The following SMC6 variants were observed in gnomAD, a reference collection of about 807,000 sequenced individuals.
The protein encoded by SMC6 is structural maintenance of chromosomes protein 6.
SMC6 carries 79 observed loss-of-function variants against 142.2 expected under a neutral mutation model. That is an observed-to-expected ratio of 0.56 (90% CI 0.46 to 0.67). The LOEUF (loss-of-function observed/expected upper bound fraction) is 0.67, where lower values mean the gene tolerates loss of function less well. Among genes scored for constraint, SMC6 ranks in the 30% least tolerant of loss-of-function variants. The pLI is 0.00. For synonymous variants in SMC6, 411 were observed against 412.4 expected (o/e 1.00, Z 0.04); for missense variants, 1,072 against 1,284.0 (o/e 0.83, Z 2.52).
intron 22 of SMC6, 112 bp from the exon 23 acceptor site, chr2:17,695,409 T>C: frequency 1.3e-6 from 1 of 781,948 alleles, no homozygotes. Flanking sequence ...TTAAGAAATG[T>C]ATTTTAATTA....
chr2:17,711,807 C>T (rs889843944), intron 16 of SMC6, among the ~76,000 whole-genome samples: 3 of 152,052 alleles, frequency 2.0e-5, no homozygotes, highest in Non-Finnish European at 2.9e-5. Context: ...TAGGTAGAAA[C>T]GGCGTTTCAC....
intron 4 of SMC6, 41 bp from the exon 5 acceptor site, chr2:17,738,367 AAAAAGG>A: frequency 6.9e-7 from 1 of 1,452,642 alleles, no homozygotes; most frequent in Non-Finnish European, 9.4e-7. Flanking sequence ...TCATTAAAAG[AAAAAGG>A]AAAAAGCTGA....
At chr2:17,704,127 T>C (rs1668396304) in intron 18 of SMC6, among the ~76,000 whole-genome samples, 1 of 151,438 alleles carries the variant, frequency 6.6e-6, no homozygotes, top group Non-Finnish European at 1.5e-5. Flanking sequence ...AAATAAACTA[T>C]CACATTAAAA....
At chr2:17,678,243 C>T (rs1463393127) in intron 25 of SMC6, among the ~76,000 whole-genome samples, 1 of 152,006 alleles carries the variant, frequency 6.6e-6, no homozygotes, top group Non-Finnish European at 1.5e-5. Context: ...ATTTAAAATG[C>T]TGTGTAAATT....
At chr2:17,694,259 TTAGA>T (rs1667887437) in intron 23 of SMC6, among the ~76,000 whole-genome samples, 1 of 152,066 alleles carries the variant, frequency 6.6e-6, no homozygotes, top group Non-Finnish European at 1.5e-5. Context: ...AACCACGCAG[TTAGA>T]TAGAATAAGT....
chr2:17,701,959 G>A lies in SMC6; in HGVS notation c.2143-50C>T, dbSNP rs770224129. The A allele has an allele frequency of 5.5e-5, 51 of 933,922 alleles. 3 individuals are homozygous for A. The South Asian group carries it at 6.8e-4, about 13-fold the overall frequency. 57.9% of individuals were successfully genotyped at this position (933,922 alleles called of 1,614,324 possible). A position where few individuals can be genotyped will look rare whatever the true frequency, so the allele number is the denominator to read the frequency against. On this transcript the variant is annotated intron_variant, in intron 19 of 27. Transcript: ENST00000448223. ...AGTAACATAAAAAAAAATTTAAACC[G>A]AAAACCTTGGAAAGGATTCATTAAT... is the stretch of plus-strand genomic sequence containing the variant.
At chr2:17,695,393 T>G (rs751701259) in intron 22 of SMC6, 96 bp from the exon 23 acceptor site, 14 of 980,726 alleles carry the variant, frequency 1.4e-5, no homozygotes, top group Non-Finnish European at 2.1e-5. Context: ...AATTCTGAAC[T>G]CATTTTTAAG....
intron 21 of SMC6, among the ~76,000 whole-genome samples, chr2:17,698,278 G>A (rs1251501622): frequency 6.6e-6 from 1 of 151,934 alleles, no homozygotes; most frequent in African/African-American, 2.4e-5. Flanking sequence ...AAATTTTACT[G>A]AACAATATAT....
chr2:17,740,412 C>T (rs376212266), intron 4 of SMC6, among the ~76,000 whole-genome samples: 33 of 152,316 alleles, frequency 2.2e-4, no homozygotes, highest in African/African-American at 7.2e-4. Flanking sequence ...ACCTTCTCAG[C>T]CCAGCAGCCA....
chr2:17,734,898 A>C (rs952596376), intron 5 of SMC6, among the ~76,000 whole-genome samples: 1 of 151,954 alleles, frequency 6.6e-6, no homozygotes, highest in African/African-American at 2.4e-5. Context: ...CATCCAGCTA[A>C]TTTTTGTATT....
In SMC6 at chr2:17,745,848, G is replaced by A. The variant is rs144924279; in HGVS notation, c.99C>T (p.Asp33=). 3.0e-5 allele frequency: 49 copies of A among 1,610,842 alleles called. No homozygotes were observed. Among genetic ancestry groups the A allele is most frequent in the African/African-American group, 2.4e-4 (18 of 74,762 alleles). Residue 33 remains aspartate (D), a synonymous_variant, in exon 3 of 28, where the codon GAC becomes GAT. Coordinates refer to ENST00000448223, the MANE Select transcript of SMC6 (RefSeq NM_001142286.2). ...LEDFDKDGDE[D]ECKGTTLTAA... The stretch of plus-strand genomic sequence containing the variant: ...TTACCAAAGTAGTACCTTTACATTC[G>A]TCTTCGTCACCATCTTTATCAAAAT...
intron 5 of SMC6, 45 bp downstream of exon 5, chr2:17,738,176 T>C: frequency 7.0e-7 from 1 of 1,422,292 alleles, no homozygotes; most frequent in Admixed American, 1.7e-5. Context: ...GTAACTGTTT[T>C]CTTACTAAAG....
At chr2:17,675,752 A>G (rs546765685) in intron 25 of SMC6, among the ~76,000 whole-genome samples, 16 of 151,872 alleles carry the variant, frequency 1.1e-4, no homozygotes, top group African/African-American at 1.7e-4. Context: ...ACTAATGCAT[A>G]TTTTTTCTCT....
intron 21 of SMC6, among the ~76,000 whole-genome samples, chr2:17,697,764 C>T (rs1193960058): frequency 6.6e-6 from 1 of 152,056 alleles, no homozygotes; most frequent in African/African-American, 2.4e-5. Context: ...TTAAATGGTA[C>T]AGTCACTTTG....
At chr2:17,741,489 C>T (rs1324902236) in intron 4 of SMC6, 123 bp downstream of exon 4, 4 of 609,198 alleles carry the variant, frequency 6.6e-6, no homozygotes, top group African/African-American at 1.9e-5. Flanking sequence ...TATTCATAAC[C>T]ACAAGTTATA....
At chr2:17,749,139 T>C (rs565631021) in intron 2 of SMC6, among the ~76,000 whole-genome samples, 1 of 152,104 alleles carries the variant, frequency 6.6e-6, no homozygotes, top group Non-Finnish European at 1.5e-5. Context: ...CAGATTAAAA[T>C]AGTAAAATTG....
intron 12 of SMC6, 75 bp from the exon 13 acceptor site, chr2:17,717,251 C>A: frequency 1.0e-6 from 1 of 999,252 alleles, no homozygotes; most frequent in Non-Finnish European, 1.5e-6. Context: ...TTTGTCAAAT[C>A]TTCAGAGGCT....
chr2:17,679,972 C>CTAGAAATTTAA (rs1667168263), intron 24 of SMC6: 1 of 152,138 alleles, frequency 6.6e-6, no homozygotes, highest in African/African-American at 2.4e-5. Flanking sequence ...ATTAAATTCC[C>CTAGAAATTTAA]ACACTAGAAA....
intron 2 of SMC6, among the ~76,000 whole-genome samples, chr2:17,750,110 G>C (rs540063904): frequency 2.6e-5 from 4 of 152,222 alleles, no homozygotes; most frequent in African/African-American, 9.6e-5. Flanking sequence ...AGCAAAACCG[G>C]GAAGTATAAA....
Sources: gnomAD v4.1 joint callset for allele counts (sites outside exome capture counted in the v4.1 genomes callset) on GRCh38, gnomAD v4.1.1 for gene constraint, MANE v1.5 for transcripts, NCBI Gene and HGNC (gene_info 2026-07-23, HGNC 2026-07-21) for gene names.